PPM1L: variants seen among roughly 807,000 people sequenced by gnomAD.
PPM1L encodes the protein protein phosphatase 1L.
PPM1L carries 13 observed loss-of-function variants against 31.4 expected under a neutral mutation model. The ratio of observed to expected loss-of-function variants is 0.41; its 90% CI spans 0.27 to 0.66. The LOEUF is 0.66. Among genes scored for constraint, PPM1L ranks in the 30% least tolerant of loss-of-function variants. The pLI is 0.29. For missense variants in PPM1L, 326 were observed against 453.7 expected, an observed-to-expected ratio of 0.72 and a Z score of 2.56; for synonymous variants, 184 against 175.4, an observed-to-expected ratio of 1.05 and a Z score of -0.39.
At chr3:160,793,271 A>G (rs1450914255) in intron 1 of PPM1L, among the ~76,000 whole-genome samples, 1 of 152,206 alleles carries the variant, frequency 6.6e-6, no homozygotes, top group East Asian at 1.9e-4. Context: ...TTTAAAACTT[A>G]TATATTATTA....
At chr3:160,856,754 C>T (rs1223456686) in intron 1 of PPM1L, among the ~76,000 whole-genome samples, 2 of 151,606 alleles carry the variant, frequency 1.3e-5, no homozygotes, top group Non-Finnish European at 2.9e-5. Flanking sequence ...ACCTTCGTGA[C>T]ATGTAATTTA....
intron 2 of PPM1L, among the ~76,000 whole-genome samples, chr3:161,056,784 C>T (rs114546971): frequency 0.011 from 1,647 of 152,064 alleles, 42 homozygotes; most frequent in African/African-American, 0.038. Context: ...AGCAATGGGC[C>T]GGCACGTTGG....
intron 2 of PPM1L, among the ~76,000 whole-genome samples, chr3:161,059,809 T>C (rs1719518134): frequency 6.6e-6 from 1 of 152,030 alleles, no homozygotes; most frequent in Admixed American, 6.6e-5. Context: ...TTGTGAGATC[T>C]GGTTGTTTAA....
chr3:160,831,896 C>G (rs934943500), intron 1 of PPM1L, among the ~76,000 whole-genome samples: 1 of 152,152 alleles, frequency 6.6e-6, no homozygotes, highest in African/African-American at 2.4e-5. Context: ...CTAGTAATCC[C>G]CAGCTGAGGA....
chr3:160,843,426 T>TTTTATATA (rs1169156583), intron 1 of PPM1L, among the ~76,000 whole-genome samples: 1 of 47,538 alleles, frequency 2.1e-5, no homozygotes, highest in Non-Finnish European at 4.0e-5. Flanking sequence ...GGCAATTCTT[T>TTTTATATA]TATATATATA....
At chr3:161,020,013 C>A (rs1472234168) in intron 2 of PPM1L, among the ~76,000 whole-genome samples, 1 of 151,746 alleles carries the variant, frequency 6.6e-6, no homozygotes, top group African/African-American at 2.4e-5. Flanking sequence ...GTAATCCTAG[C>A]TACTCAGGAG....
chr3:160,927,789 T>A (rs1471546043), intron 1 of PPM1L, among the ~76,000 whole-genome samples: 1 of 152,204 alleles, frequency 6.6e-6, no homozygotes, highest in Non-Finnish European at 1.5e-5. Context: ...TGTTCTATTT[T>A]TGGTCAGGCA....
At chr3:160,891,572 T>G (rs1713144235) in intron 1 of PPM1L, among the ~76,000 whole-genome samples, 1 of 152,188 alleles carries the variant, frequency 6.6e-6, no homozygotes, top group African/African-American at 2.4e-5. Context: ...GTTCAACCAT[T>G]GTGCAAGACA....
At position 161,075,142 on chromosome 3, in the gene PPM1L, T is replaced by C. The variant is rs1720060317; in HGVS notation, c.*5985T>C. 6.6e-6 allele frequency: 1 copy of C among 152,176 alleles called. No homozygotes were observed. Among genetic ancestry groups the C allele is most frequent in the Non-Finnish European group, 1.5e-5 (1 of 68,038 alleles). 9.4% of individuals were successfully genotyped at this position (152,176 alleles called of 1,614,324 possible). A position where few individuals can be genotyped will look rare whatever the true frequency, so the allele number is the denominator to read the frequency against. On this transcript the variant is annotated 3_prime_UTR_variant, in exon 4 of 4. Transcript: ENST00000498165. Reference sequence around the variant, plus strand: ...GGATTGTATCAGCTCTCATTACCTTTTGTCATGAGGCAGTTCATAAATTAA... The same window carrying C: ...GGATTGTATCAGCTCTCATTACCTTCTGTCATGAGGCAGTTCATAAATTAA...
At chr3:160,903,550 C>T (rs929490300) in intron 1 of PPM1L, among the ~76,000 whole-genome samples, 3 of 152,008 alleles carry the variant, frequency 2.0e-5, no homozygotes, top group Non-Finnish European at 4.4e-5. Context: ...AACTGATCAC[C>T]GTAGCCTTAC....
intron 1 of PPM1L, among the ~76,000 whole-genome samples, chr3:160,777,011 C>G (rs1008534034): frequency 6.6e-6 from 1 of 151,880 alleles, no homozygotes; most frequent in Non-Finnish European, 1.5e-5. Flanking sequence ...TCCATTTCTT[C>G]TAGTATGAAA....
intron 2 of PPM1L, among the ~76,000 whole-genome samples, chr3:161,062,427 C>A (rs985889796): frequency 4.6e-5 from 7 of 152,108 alleles, no homozygotes; most frequent in Non-Finnish European, 1.0e-4. Flanking sequence ...ATAGTGAGAA[C>A]CCATCTCTAC....
At chr3:161,025,914 G>T (rs1718375610) in intron 2 of PPM1L, among the ~76,000 whole-genome samples, 1 of 152,048 alleles carries the variant, frequency 6.6e-6, no homozygotes. Context: ...AAGATCTAAA[G>T]CAAATAAAGT....
intron 1 of PPM1L, among the ~76,000 whole-genome samples, chr3:160,828,230 A>G (rs938268839): frequency 3.9e-5 from 6 of 152,106 alleles, no homozygotes; most frequent in Admixed American, 1.3e-4. Context: ...TACAAATAGC[A>G]GGTATTAAGC....
chr3:160,890,970 T>G (rs1183255668), intron 1 of PPM1L, among the ~76,000 whole-genome samples: 1 of 152,010 alleles, frequency 6.6e-6, no homozygotes, highest in Non-Finnish European at 1.5e-5. Flanking sequence ...ATACAAAAAT[T>G]AACTCAGGAT....
chr3:161,054,497 C>T (rs1018958251), intron 2 of PPM1L, among the ~76,000 whole-genome samples: 2 of 151,910 alleles, frequency 1.3e-5, no homozygotes, highest in Non-Finnish European at 2.9e-5. Context: ...TGGTCATTGT[C>T]GATTTAAATA....
intron 2 of PPM1L, among the ~76,000 whole-genome samples, chr3:160,991,174 G>T (rs1263905292): frequency 2.0e-5 from 3 of 152,134 alleles, no homozygotes; most frequent in African/African-American, 7.2e-5. Flanking sequence ...GTCGTCCTGG[G>T]CTGGTGGGCC....
chr3:160,821,847 CT>C (rs986742975), intron 1 of PPM1L, among the ~76,000 whole-genome samples: 1 of 150,650 alleles, frequency 6.6e-6, no homozygotes, highest in East Asian at 1.9e-4. Context: ...CTTTTAATTC[CT>C]TTTTTAAAAA....
At chr3:160,921,591 CTTAAA>C (rs1297401264) in intron 1 of PPM1L, among the ~76,000 whole-genome samples, 2 of 152,094 alleles carry the variant, frequency 1.3e-5, no homozygotes, top group East Asian at 3.9e-4. Flanking sequence ...TTTTTAAAAA[CTTAAA>C]TTATCTTATT....
Sources: gnomAD v4.1 joint callset for allele counts (sites outside exome capture counted in the v4.1 genomes callset) on GRCh38, gnomAD v4.1.1 for gene constraint, MANE v1.5 for transcripts, NCBI Gene and HGNC (gene_info 2026-07-23, HGNC 2026-07-21) for gene names.